The following PLA2G4C variants were observed in gnomAD, a reference collection of about 807,000 sequenced individuals.
The protein encoded by PLA2G4C is phospholipase A2 group IVC.
In PLA2G4C, 64 loss-of-function variants were observed where a neutral mutation model predicts 73.8. The ratio of observed to expected loss-of-function variants is 0.87; its 90% CI spans 0.71 to 1.07. PLA2G4C has a LOEUF of 1.07. PLA2G4C is among the 50% of genes least tolerant of loss of function. The pLI is 0.00. For missense variants in PLA2G4C, 622 were observed against 665.4 expected (o/e 0.93, Z 0.72); for synonymous variants, 254 against 252.1 (o/e 1.01, Z -0.07).
intron 10 of PLA2G4C, among the ~76,000 whole-genome samples, chr19:48,080,137 C>T (rs1424651297): frequency 2.4e-5 from 3 of 125,516 alleles, no homozygotes; most frequent in African/African-American, 5.9e-5. Context: ...AGCAAGAAAA[C>T]GAATAATCCC....
rs747838842 is a variant in PLA2G4C at position 48,057,790 on chromosome 19, T to C, written c.1258-2741A>G. Among the ~76,000 whole-genome samples the C allele has an allele frequency of 7.3e-5, 11 of 149,882 alleles. No homozygotes were observed. In the South Asian group the frequency reaches 1.7e-3, roughly 24 times the overall value. ...CAGGTGTGAGCCACCGCACCCGGCT[T>C]CTTCTTATTTTATATTGAGTTGAAT... On this transcript the variant is annotated intron_variant, in intron 14 of 16. Coordinates refer to ENST00000599921, the MANE Select transcript of PLA2G4C (RefSeq NM_003706.3).
intron 4 of PLA2G4C, 156 bp downstream of exon 4, chr19:48,104,432 C>G: frequency 1.5e-6 from 1 of 670,880 alleles, no homozygotes; most frequent in Non-Finnish European, 2.5e-6. Flanking sequence ...CTCCAGGTAG[C>G]CAGCGTCAGA....
intron 13 of PLA2G4C, among the ~76,000 whole-genome samples, chr19:48,062,877 G>A: frequency 6.6e-6 from 1 of 152,102 alleles, no homozygotes; most frequent in South Asian, 2.1e-4. Context: ...GCCTCAGGAG[G>A]TCATGATGAC....
At chr19:48,089,014 A>C (rs1018665253) in intron 8 of PLA2G4C, among the ~76,000 whole-genome samples, 3 of 152,184 alleles carry the variant, frequency 2.0e-5, no homozygotes, top group African/African-American at 7.2e-5. Flanking sequence ...TAGCAGACCC[A>C]CTGGAGAAGT....
At chr19:48,060,244 AT>A (rs1968119705) in intron 14 of PLA2G4C, among the ~76,000 whole-genome samples, 1 of 152,098 alleles carries the variant, frequency 6.6e-6, no homozygotes, top group African/African-American at 2.4e-5. Context: ...TAGTATGTCA[AT>A]ATACCAATTA....
intron 14 of PLA2G4C, among the ~76,000 whole-genome samples, chr19:48,057,580 C>T (rs1398765553): frequency 7.1e-6 from 1 of 141,698 alleles, no homozygotes; most frequent in Non-Finnish European, 1.5e-5. Context: ...ACCTCCGCCT[C>T]CCAGATTCAA....
At chr19:48,096,887 G>A (rs2031596476) in intron 6 of PLA2G4C, 1 of 152,176 alleles carries the variant, frequency 6.6e-6, no homozygotes, top group South Asian at 2.1e-4. Flanking sequence ...CGGGTGCGGT[G>A]GCTCATGCCT....
chr19:48,054,367 G>A (rs970471056), intron 15 of PLA2G4C, among the ~76,000 whole-genome samples: 2 of 152,004 alleles, frequency 1.3e-5, no homozygotes, highest in Non-Finnish European at 2.9e-5. Flanking sequence ...GCAGGAGCGC[G>A]ATCTCAGCTC....
chr19:48,108,436 A>G (rs1470350234), intron 1 of PLA2G4C, among the ~76,000 whole-genome samples: 2 of 152,162 alleles, frequency 1.3e-5, no homozygotes, highest in African/African-American at 4.8e-5. Flanking sequence ...ACACCCCACT[A>G]AAAAGCTGAG....
intron 9 of PLA2G4C, among the ~76,000 whole-genome samples, chr19:48,086,610 T>C (rs2122610582): frequency 6.6e-6 from 1 of 152,046 alleles, no homozygotes; most frequent in East Asian, 1.9e-4. Context: ...GAAACAAGAG[T>C]AGCCACCCTG....
chr19:48,110,531 T>TGCTCCGGACTTGG lies in PLA2G4C; in HGVS notation c.-78_-77insCCAAGTCCGGAGC. 7.2e-7 allele frequency: 1 copy of TGCTCCGGACTTGG among 1,386,158 alleles called. No individual in the cohort carries two copies. The highest frequency in any genetic ancestry group is 2.9e-5 in the East Asian group (1 of 34,242). 85.9% of individuals were successfully genotyped at this position (1,386,158 alleles called of 1,614,324 possible). A position where few individuals can be genotyped will look rare whatever the true frequency, so the allele number is the denominator to read the frequency against. ...GTGTGCGCATGCGCGGTGGAGCTTG[T>TGCTCCGGACTTGG]GCTCCGGAATCCGGTGCGGAGGCTT... On this transcript the variant is annotated 5_prime_UTR_variant, in exon 1 of 17. Coordinates refer to ENST00000599921, the MANE Select transcript of PLA2G4C (RefSeq NM_003706.3).
intron 7 of PLA2G4C, among the ~76,000 whole-genome samples, chr19:48,091,054 C>T (rs975697415): frequency 1.3e-5 from 2 of 151,930 alleles, no homozygotes; most frequent in African/African-American, 2.4e-5. Flanking sequence ...GCCGCCATCC[C>T]GTGGTGTGGA....
At chr19:48,093,081 C>G (rs1568446616) in intron 7 of PLA2G4C, among the ~76,000 whole-genome samples, 1 of 151,924 alleles carries the variant, frequency 6.6e-6, no homozygotes, top group Non-Finnish European at 1.5e-5. Flanking sequence ...CTCTGATGCC[C>G]AAGACCAGAT....
intron 1 of PLA2G4C, among the ~76,000 whole-genome samples, chr19:48,110,250 G>C (rs189261967): frequency 3.9e-4 from 59 of 151,850 alleles, no homozygotes; most frequent in Non-Finnish European, 6.8e-4. Flanking sequence ...GGAGGTTGAG[G>C]CAGGAGAATC....
chr19:48,049,875 C>A (rs1967656834), intron 16 of PLA2G4C, among the ~76,000 whole-genome samples: 1 of 152,168 alleles, frequency 6.6e-6, no homozygotes, highest in South Asian at 2.1e-4. Flanking sequence ...GACTTCCAGC[C>A]TCCAGAACTG....
chr19:48,061,399 A>T (rs539991683), intron 14 of PLA2G4C: 1 of 153,514 alleles, frequency 6.5e-6, no homozygotes, highest in Admixed American at 6.4e-5. Context: ...CTCCTGGTGG[A>T]GCCATCGTTA....
intron 13 of PLA2G4C, among the ~76,000 whole-genome samples, chr19:48,066,207 A>C (rs187368228): frequency 1.3e-5 from 2 of 151,788 alleles, no homozygotes; most frequent in Non-Finnish European, 1.5e-5. Context: ...GACTGAACCC[A>C]TTTTTCAGGT....
chr19:48,096,507 TG>T (rs2122655657), intron 6 of PLA2G4C, among the ~76,000 whole-genome samples: 1 of 151,998 alleles, frequency 6.6e-6, no homozygotes, highest in South Asian at 2.1e-4. Context: ...CACTTGAACC[TG>T]GGAGGCAGAG....
intron 4 of PLA2G4C, among the ~76,000 whole-genome samples, chr19:48,103,062 GGGGTC>G (rs560318779): frequency 1.1e-4 from 17 of 152,220 alleles, no homozygotes; most frequent in African/African-American, 4.1e-4. Context: ...TTGTAGAGAT[GGGGTC>G]TTGCTATGTT....
Sources: gnomAD v4.1 joint callset for allele counts (sites outside exome capture counted in the v4.1 genomes callset) on GRCh38, gnomAD v4.1.1 for gene constraint, MANE v1.5 for transcripts, NCBI Gene and HGNC (gene_info 2026-07-23, HGNC 2026-07-21) for gene names.